Variants in ARMH1 observed in about 807,000 individuals in gnomAD.
ARMH1 encodes the protein armadillo like helical domain containing 1, also known as armadillo-like helical domain containing protein 1.
ARMH1 carries 34 observed loss-of-function variants against 50.2 expected under a neutral mutation model. The observed-to-expected ratio is 0.68, with a 90% CI of 0.51 to 0.90. The LOEUF is 0.90. Ranked by LOEUF, ARMH1 falls within the 40% of genes least tolerant of loss-of-function variation. ARMH1 has a pLI of 0.00. For synonymous variants in ARMH1, 221 were observed against 224.2 expected (o/e 0.99, Z 0.13); for missense variants, 538 against 553.9 (o/e 0.97, Z 0.29).
chr1:44,690,078 C>T (rs1332084491), intron 2 of ARMH1, among the ~76,000 whole-genome samples, 175 bp downstream of exon 2: 2 of 152,002 alleles, frequency 1.3e-5, no homozygotes, highest in African/African-American at 4.8e-5. Flanking sequence ...ATTAGCCAGG[C>T]GTGGTGGCAG....
At chr1:44,698,536 C>T (rs371623794) in intron 4 of ARMH1, among the ~76,000 whole-genome samples, 5 of 152,134 alleles carry the variant, frequency 3.3e-5, no homozygotes, top group East Asian at 1.9e-4. Flanking sequence ...TGAGGCCGGG[C>T]GCGGTGGCTC....
intron 6 of ARMH1, among the ~76,000 whole-genome samples, chr1:44,705,730 G>T (rs532625322): frequency 6.6e-6 from 1 of 152,122 alleles, no homozygotes; most frequent in African/African-American, 2.4e-5. Flanking sequence ...AACATATAGC[G>T]CATGGCAGAT....
In ARMH1 at chr1:44,724,407, G is replaced by T; in HGVS notation, c.920+15G>T. On this transcript the variant is annotated intron_variant, in intron 8 of 11. Coordinates refer to ENST00000535358, the MANE Select transcript of ARMH1 (RefSeq NM_001145636.2). The surrounding 1 kb of genome is among the most constrained non-coding windows in gnomAD (Gnocchi z 6.4). ...AAGGCCATCGGGTAAGCGGGCAGGG[G>T]TTAGTGGGTAGCTGCAGCAAGCCTG... The T allele has an allele frequency of 6.5e-7, 1 of 1,547,784 alleles. No individual in the cohort carries two copies. The highest frequency in any genetic ancestry group is 8.7e-7 in the Non-Finnish European group (1 of 1,146,464).
At chr1:44,695,337 C>T (rs551278578) in intron 2 of ARMH1, among the ~76,000 whole-genome samples, 2 of 152,322 alleles carry the variant, frequency 1.3e-5, no homozygotes, top group Middle Eastern at 3.4e-3. Context: ...CACAGTGCCC[C>T]GCACACAATA....
At chr1:44,715,824 A>C (rs1646826068) in intron 6 of ARMH1, among the ~76,000 whole-genome samples, 1 of 152,188 alleles carries the variant, frequency 6.6e-6, no homozygotes. Context: ...CAGCCTCCCA[A>C]AGTGCTGGGA....
chr1:44,713,795 C>T (rs1368994266), intron 6 of ARMH1, among the ~76,000 whole-genome samples: 4 of 152,154 alleles, frequency 2.6e-5, no homozygotes, highest in South Asian at 2.1e-4. Flanking sequence ...CATCAGTACA[C>T]GGACTGGTTG....
intron 2 of ARMH1, 96 bp from the exon 3 acceptor site, chr1:44,697,006 C>A: frequency 1.1e-6 from 1 of 882,400 alleles, no homozygotes; most frequent in Non-Finnish European, 1.8e-6. Context: ...AGCTACTTGG[C>A]CACCCTGGGC....
intron 6 of ARMH1, among the ~76,000 whole-genome samples, chr1:44,710,500 T>G (rs888643605): frequency 2.7e-5 from 4 of 149,762 alleles, no homozygotes; most frequent in African/African-American, 9.9e-5. Context: ...TCTCAGCTAC[T>G]CGGGAGGCTG....
rs371709111 is a variant in ARMH1 at position 44,720,302 on chromosome 1, G to A, written c.725-3820G>A. Among the ~76,000 whole-genome samples, 4 of 151,750 alleles carry A rather than the reference G, an allele frequency of 2.6e-5. No individual in the cohort carries two copies. In the East Asian group the frequency reaches 7.7e-4, roughly 29 times the overall value. On this transcript the variant is annotated intron_variant, in intron 6 of 11. Transcript: ENST00000535358. ...CCAAGATTCAAGCTAGGAAAGTTCT[G>A]TAGCTGTGTGAATGAGGACCACAGT...
intron 6 of ARMH1, among the ~76,000 whole-genome samples, chr1:44,709,411 G>GC (rs1646482222): frequency 6.6e-6 from 1 of 152,208 alleles, no homozygotes; most frequent in Admixed American, 6.5e-5. Context: ...GGTGGCTCAC[G>GC]CCTTTAATCC....
intron 6 of ARMH1, among the ~76,000 whole-genome samples, chr1:44,721,318 C>T (rs1482779087): frequency 6.6e-6 from 1 of 152,146 alleles, no homozygotes; most frequent in African/African-American, 2.4e-5. Context: ...AGAAAACTAT[C>T]TCTGGAAGAA....
At chr1:44,721,768 T>C (rs949525720) in intron 6 of ARMH1, 8 of 152,230 alleles carry the variant, frequency 5.3e-5, no homozygotes, top group East Asian at 1.9e-4. Context: ...CACGTCTCTC[T>C]TTAGTAACAG....
intron 6 of ARMH1, among the ~76,000 whole-genome samples, chr1:44,723,532 A>T (rs1378388045): frequency 2.6e-5 from 4 of 152,098 alleles, no homozygotes; most frequent in African/African-American, 9.7e-5. Context: ...TGTGTAACTT[A>T]GGCAAAGTGG....
intron 6 of ARMH1, among the ~76,000 whole-genome samples, chr1:44,721,555 A>G (rs573542889): frequency 1.3e-5 from 2 of 152,280 alleles, no homozygotes; most frequent in South Asian, 2.1e-4. Context: ...CTAAATGTTT[A>G]CAAGAAGCTA....
rs1645854037 is a variant in ARMH1 at position 44,697,148 on chromosome 1, A to G, written c.253A>G (p.Ile85Val). ...AGAAAAGCTTCTCAGGTCCATTGGCATCTTCTTATCAGCTGTAAGCAGGTG... is the reference window on the plus strand; with the variant it reads ...AGAAAAGCTTCTCAGGTCCATTGGCGTCTTCTTATCAGCTGTAAGCAGGTG... ...CLEKLLRSIG[I>V]FLSAVSSNRY... The change falls in exon 3 of 12, where the codon ATC becomes GTC. Residue 85 changes from isoleucine (I) to valine (V), a missense_variant. Physicochemically the swap from Ile to Val is conservative, Grantham distance 29 (BLOSUM62 3). Transcript: ENST00000535358. The G allele has an allele frequency of 3.9e-6, 6 of 1,551,980 alleles. No individual in the cohort carries two copies. Among genetic ancestry groups the G allele is most frequent in the East Asian group, 2.4e-5 (1 of 40,922 alleles).
intron 2 of ARMH1, among the ~76,000 whole-genome samples, chr1:44,691,150 C>T (rs1439647459): frequency 2.6e-5 from 4 of 151,844 alleles, no homozygotes; most frequent in African/African-American, 4.8e-5. Flanking sequence ...CCCAGCTACC[C>T]GGGAGGCTGA....
At chr1:44,695,766 C>T (rs546901496) in intron 2 of ARMH1, among the ~76,000 whole-genome samples, 44 of 151,930 alleles carry the variant, frequency 2.9e-4, no homozygotes, top group African/African-American at 1.0e-3. Flanking sequence ...ATAGCGAGAC[C>T]CCTGTCTCTA....
chr1:44,720,944 G>A (rs1029684527), intron 6 of ARMH1, among the ~76,000 whole-genome samples: 1 of 152,244 alleles, frequency 6.6e-6, no homozygotes, highest in South Asian at 2.1e-4. Flanking sequence ...GGCTGAGGCA[G>A]GAGAATCCCT....
intron 6 of ARMH1, chr1:44,721,853 C>G (rs567721620): frequency 4.6e-5 from 7 of 152,276 alleles, no homozygotes; most frequent in Admixed American, 2.0e-4. Flanking sequence ...CCACGGAAAT[C>G]TTTAGTAAAA....
Sources: gnomAD v4.1 joint callset for allele counts (sites outside exome capture counted in the v4.1 genomes callset) on GRCh38, gnomAD v4.1.1 for gene constraint, Gnocchi (gnomAD v3.1) non-coding constraint, MANE v1.5 for transcripts, NCBI Gene and HGNC (gene_info 2026-07-23, HGNC 2026-07-21) for gene names.